CHCHD3: variants seen among roughly 807,000 people sequenced by gnomAD.
The protein encoded by CHCHD3 is MICOS complex subunit MIC19.
A neutral mutation model predicts 38.2 loss-of-function variants in CHCHD3; 20 were observed. That is an observed-to-expected ratio of 0.52 (90% CI 0.37 to 0.76). CHCHD3 has a LOEUF of 0.76. Ranked by LOEUF, CHCHD3 falls within the 30% of genes least tolerant of loss-of-function variation. The probability of loss-of-function intolerance (pLI) is 0.00; values close to 1 mark genes in which losing one functional copy is unlikely to be tolerated. For synonymous variants in CHCHD3, 82 were observed against 100.0 expected (o/e 0.82, Z 1.07); for missense variants, 245 against 279.2 (o/e 0.88, Z 0.87).
chr7:132,981,565 A>C (rs1811919520), intron 3 of CHCHD3, among the ~76,000 whole-genome samples: 1 of 152,226 alleles, frequency 6.6e-6, no homozygotes, highest in Non-Finnish European at 1.5e-5. Context: ...GCCAGAGTCT[A>C]AATTATTACC....
At chr7:132,953,856 ATG>A (rs1811092795) in intron 4 of CHCHD3, among the ~76,000 whole-genome samples, 1 of 152,060 alleles carries the variant, frequency 6.6e-6, no homozygotes, top group African/African-American at 2.4e-5. Context: ...ATCCCAGTTT[ATG>A]TGTGTTGTCT....
At chr7:133,005,394 G>T (rs780475807) in intron 3 of CHCHD3, among the ~76,000 whole-genome samples, 5 of 152,144 alleles carry the variant, frequency 3.3e-5, no homozygotes, top group Non-Finnish European at 5.9e-5. Context: ...GTGGGATCAA[G>T]AAAAGATCCA....
At chr7:132,927,010 T>C (rs1282473736) in intron 4 of CHCHD3, among the ~76,000 whole-genome samples, 1 of 152,318 alleles carries the variant, frequency 6.6e-6, no homozygotes, top group East Asian at 1.9e-4. Flanking sequence ...CAGCTCTCTA[T>C]TATGGAATAC....
At chr7:132,879,803 T>C (rs571306207) in intron 5 of CHCHD3, among the ~76,000 whole-genome samples, 1 of 143,172 alleles carries the variant, frequency 7.0e-6, no homozygotes, top group African/African-American at 2.6e-5. Context: ...GCAGTATTAA[T>C]CAAAGTATGA....
At chr7:132,960,136 G>C (rs866438529) in intron 4 of CHCHD3, among the ~76,000 whole-genome samples, 1 of 152,026 alleles carries the variant, frequency 6.6e-6, no homozygotes, top group African/African-American at 2.4e-5. Context: ...TTAATCCACC[G>C]CATGCACTTG....
At chr7:133,074,331 G>A (rs1814914217) in intron 1 of CHCHD3, among the ~76,000 whole-genome samples, 2 of 152,182 alleles carry the variant, frequency 1.3e-5, no homozygotes, top group Non-Finnish European at 1.5e-5. Context: ...CAGATCAAAT[G>A]CTGTGTGTGC....
At position 133,035,239 on chromosome 7, in the gene CHCHD3, T is replaced by G. The variant is rs2117468877; in HGVS notation, c.170-10612A>C. The G allele has an allele frequency of 6.2e-7, 1 of 1,613,696 alleles. No individual in the cohort carries two copies. Among genetic ancestry groups the G allele is most frequent in the Admixed American group, 1.7e-5 (1 of 60,002 alleles). ...CCCTTCTCTTTCCGTGGTGTGTCCTTTTTAGGCTGGGTCTCTGCAAACTTT... is the reference window on the plus strand; with the variant it reads ...CCCTTCTCTTTCCGTGGTGTGTCCTGTTTAGGCTGGGTCTCTGCAAACTTT... On this transcript the variant is annotated intron_variant, in intron 2 of 7. Coordinates refer to ENST00000262570, the MANE Select transcript of CHCHD3 (RefSeq NM_017812.4). The surrounding 1 kb of genome is among the most constrained non-coding windows in gnomAD (Gnocchi z 4.7).
At chr7:132,879,260 G>A (rs1013806921) in intron 5 of CHCHD3, among the ~76,000 whole-genome samples, 2 of 152,048 alleles carry the variant, frequency 1.3e-5, no homozygotes, top group Admixed American at 6.6e-5. Context: ...ATGCAGTGGG[G>A]GGAGGTGTAG....
At chr7:132,987,027 C>T (rs1476555959) in intron 3 of CHCHD3, among the ~76,000 whole-genome samples, 2 of 152,064 alleles carry the variant, frequency 1.3e-5, no homozygotes, top group African/African-American at 4.8e-5. Context: ...CAGAAAATAC[C>T]TTGCCAGTAA....
At chr7:132,936,152 C>A (rs183830138) in intron 4 of CHCHD3, among the ~76,000 whole-genome samples, 41 of 152,234 alleles carry the variant, frequency 2.7e-4, no homozygotes, top group African/African-American at 9.1e-4. Flanking sequence ...AATTTAAGAA[C>A]GTACGTGGAG....
intron 1 of CHCHD3, among the ~76,000 whole-genome samples, chr7:133,076,048 G>GTGC (rs1814980895): frequency 9.6e-6 from 1 of 103,928 alleles, no homozygotes; most frequent in East Asian, 3.0e-4. Flanking sequence ...AAGAGAATGA[G>GTGC]ATTCTATCTC....
At chr7:132,911,684 C>T (rs1330621505) in intron 4 of CHCHD3, among the ~76,000 whole-genome samples, 3 of 152,190 alleles carry the variant, frequency 2.0e-5, no homozygotes, top group African/African-American at 7.2e-5. Flanking sequence ...TTGCTCTGCT[C>T]CCCATCGGTT....
chr7:133,044,483 A>G (rs1430918953), intron 2 of CHCHD3, among the ~76,000 whole-genome samples: 2 of 152,216 alleles, frequency 1.3e-5, no homozygotes, highest in Admixed American at 6.5e-5. Context: ...GGTGGGGAGA[A>G]TAATTACCCC....
At chr7:132,905,212 C>T (rs1809767649) in intron 4 of CHCHD3, among the ~76,000 whole-genome samples, 2 of 151,812 alleles carry the variant, frequency 1.3e-5, no homozygotes, top group Admixed American at 1.3e-4. Flanking sequence ...CAAACCTGCA[C>T]GTTGTGTACA....
At chr7:132,798,761 G>T (rs1806687342) in intron 6 of CHCHD3, among the ~76,000 whole-genome samples, 1 of 152,114 alleles carries the variant, frequency 6.6e-6, no homozygotes, top group Admixed American at 6.5e-5. Context: ...ATGTCATAAA[G>T]AAGACAGTTT....
At chr7:132,796,212 T>C (rs184756794) in intron 7 of CHCHD3, among the ~76,000 whole-genome samples, 11 of 152,182 alleles carry the variant, frequency 7.2e-5, no homozygotes, top group African/African-American at 2.4e-4. Flanking sequence ...TGTAGTAGAA[T>C]CCTTTTTTCT....
At chr7:132,841,361 T>G (rs1245980765) in intron 5 of CHCHD3, among the ~76,000 whole-genome samples, 1 of 149,426 alleles carries the variant, frequency 6.7e-6, no homozygotes, top group Non-Finnish European at 1.5e-5. Context: ...AGATCTCCTT[T>G]GGCCTCAGAA....
intron 4 of CHCHD3, among the ~76,000 whole-genome samples, chr7:132,945,144 T>G (rs1179379240): frequency 1.3e-5 from 2 of 151,996 alleles, no homozygotes; most frequent in Non-Finnish European, 1.5e-5. Context: ...AGAATGCATA[T>G]TTTAATCTGT....
intron 6 of CHCHD3, among the ~76,000 whole-genome samples, chr7:132,817,015 C>G (rs1479744472): frequency 1.3e-5 from 2 of 152,144 alleles, no homozygotes; most frequent in East Asian, 3.9e-4. Context: ...GAAAAACAGA[C>G]AAGAGACACA....
Sources: allele counts gnomAD v4.1 joint callset (sites outside exome capture counted in the v4.1 genomes callset), GRCh38; gene constraint gnomAD v4.1.1; non-coding constraint Gnocchi (gnomAD v3.1); transcripts MANE v1.5; gene names NCBI Gene and HGNC (gene_info 2026-07-23, HGNC 2026-07-21).